Variants in CNTRL observed in about 807,000 individuals in gnomAD.
The protein encoded by CNTRL is 110 kDa centrosomal protein.
A neutral mutation model predicts 303.7 loss-of-function variants in CNTRL; 233 were observed. The observed-to-expected ratio is 0.77, with a 90% CI of 0.69 to 0.86. The LOEUF (loss-of-function observed/expected upper bound fraction) is 0.86. Ranked by LOEUF, CNTRL falls within the 40% of genes least tolerant of loss-of-function variation. The pLI, the probability that CNTRL is intolerant of heterozygous loss-of-function variation, is 0.00. For synonymous variants in CNTRL, 900 were observed against 922.2 expected (o/e 0.98, Z 0.44); for missense variants, 2,524 against 2,650.6 (o/e 0.95, Z 1.05).
chr9:121,139,713 T>C (rs1390108657), intron 16 of CNTRL, among the ~76,000 whole-genome samples: 1 of 152,326 alleles, frequency 6.6e-6, no homozygotes, highest in African/African-American at 2.4e-5. Flanking sequence ...ATGACCCTTA[T>C]TTACCCATTG....
chr9:121,088,970 T>C (rs888736114), intron 3 of CNTRL, among the ~76,000 whole-genome samples: 1 of 152,246 alleles, frequency 6.6e-6, no homozygotes, highest in Non-Finnish European at 1.5e-5. Context: ...ATATGGGACA[T>C]GTATGTATGT....
chr9:121,089,151 G>A (rs541610068), intron 3 of CNTRL, among the ~76,000 whole-genome samples: 7 of 152,258 alleles, frequency 4.6e-5, no homozygotes, highest in Admixed American at 1.3e-4. Context: ...GGTTTTATTA[G>A]CATTAACAAC....
intron 2 of CNTRL, among the ~76,000 whole-genome samples, 176 bp downstream of exon 2, chr9:121,080,654 G>A (rs935405467): frequency 2.6e-5 from 4 of 152,186 alleles, no homozygotes; most frequent in African/African-American, 9.6e-5. Context: ...TACCTGAAGC[G>A]ATGGACCCGA....
intron 25 of CNTRL, among the ~76,000 whole-genome samples, chr9:121,150,986 G>A (rs982826701): frequency 4.3e-4 from 66 of 152,292 alleles, no homozygotes; most frequent in African/African-American, 1.5e-3. Context: ...GTATACACAT[G>A]TATGTGCACG....
At chr9:121,159,101 C>A in intron 31 of CNTRL, 82 bp downstream of exon 31, 2 of 1,335,274 alleles carry the variant, frequency 1.5e-6, no homozygotes, top group Non-Finnish European at 2.1e-6. Flanking sequence ...TGCTTCTCCC[C>A]AAATGAAAAT....
chr9:121,133,366 CT>C (rs1490299621), intron 14 of CNTRL, among the ~76,000 whole-genome samples: 1 of 152,266 alleles, frequency 6.6e-6, no homozygotes, highest in Non-Finnish European at 1.5e-5. Context: ...GCCCCTCCCC[CT>C]GCCAGGCTGC....
intron 14 of CNTRL, among the ~76,000 whole-genome samples, chr9:121,127,117 G>A (rs2050576087): frequency 6.6e-6 from 1 of 152,134 alleles, no homozygotes. Context: ...ACAGCGCCTG[G>A]CCTATGTTTT....
chr9:121,157,994 T>C lies in CNTRL; in HGVS notation c.4649T>C (p.Leu1550Pro). ...KEKLTEELQK[L>P]QKDIEMAERN... Reference sequence around the variant, plus strand: ...CTGGTGCTTTGTAGGCTTCAGAAACTACAGAAAGACATAGAGATGGCAGAA... The same window carrying C: ...CTGGTGCTTTGTAGGCTTCAGAAACCACAGAAAGACATAGAGATGGCAGAA... Residue 1550 changes from leucine to proline, a missense_variant, in exon 30 of 44, where the codon CTA (leucine) becomes CCA (proline). Coordinates refer to ENST00000373855, the MANE Select transcript of CNTRL (RefSeq NM_007018.6). 8 of 1,614,008 alleles carry C rather than the reference T, an allele frequency of 5.0e-6. No homozygotes were observed. The highest frequency in any genetic ancestry group is 6.8e-6 in the Non-Finnish European group (8 of 1,180,002).
chr9:121,136,023 G>A (rs755174976), intron 15 of CNTRL, 41 bp downstream of exon 15: 4 of 1,488,202 alleles, frequency 2.7e-6, no homozygotes, highest in African/African-American at 1.4e-5. Context: ...TAAGGACCCT[G>A]TGCCTTAAGA....
chr9:121,136,120 T>C (rs2051177909), intron 15 of CNTRL, 138 bp downstream of exon 15: 1 of 750,924 alleles, frequency 1.3e-6, no homozygotes, highest in South Asian at 2.2e-5. Flanking sequence ...GGCAGAATTT[T>C]GGAGTCAGAC....
intron 12 of CNTRL, among the ~76,000 whole-genome samples, chr9:121,121,186 T>C (rs947124381): frequency 2.6e-5 from 4 of 152,238 alleles, no homozygotes; most frequent in African/African-American, 9.6e-5. Context: ...TGAGATATTA[T>C]AGAAAGCAAC....
chr9:121,104,953 G>A (rs994433325), intron 7 of CNTRL, among the ~76,000 whole-genome samples: 2 of 152,008 alleles, frequency 1.3e-5, no homozygotes, highest in South Asian at 2.1e-4. Context: ...CAGGTGATCC[G>A]CCTGCCTCGG....
intron 8 of CNTRL, among the ~76,000 whole-genome samples, chr9:121,108,892 C>T (rs2049609567): frequency 6.6e-6 from 1 of 152,144 alleles, no homozygotes; most frequent in South Asian, 2.1e-4. Flanking sequence ...TACCCCATTC[C>T]CCAGATATTA....
At chr9:121,153,715 G>C (rs527759901) in intron 26 of CNTRL, among the ~76,000 whole-genome samples, 1 of 152,314 alleles carries the variant, frequency 6.6e-6, no homozygotes, top group South Asian at 2.1e-4. Context: ...TTTTGCAGTA[G>C]TCCATGAATT....
In CNTRL at chr9:121,171,398, C is replaced by G; in HGVS notation, c.6277-10C>G. ...TAGATCGCAGAGTTATTTTCTTCCTCCTGTGCTAGGAGCAAAAACAGGAGA... is the reference window on the plus strand; with the variant it reads ...TAGATCGCAGAGTTATTTTCTTCCTGCTGTGCTAGGAGCAAAAACAGGAGA... On this transcript the variant is annotated splice_polypyrimidine_tract_variant and intron_variant, in intron 39 of 43. Coordinates refer to ENST00000373855, the MANE Select transcript of CNTRL (RefSeq NM_007018.6). 3.1e-6 allele frequency: 5 copies of G among 1,613,760 alleles called. No individual in the cohort carries two copies. The East Asian group carries it at 1.1e-4, about 36-fold the overall frequency.
At chr9:121,094,371 CAG>C (rs576098564) in intron 4 of CNTRL, among the ~76,000 whole-genome samples, 164 of 152,082 alleles carry the variant, frequency 1.1e-3, no homozygotes, top group African/African-American at 3.9e-3. Flanking sequence ...TCCTGAGACA[CAG>C]AGAGAAAAAG....
chr9:121,147,029 G>A (rs1325229165), intron 23 of CNTRL, among the ~76,000 whole-genome samples: 1 of 152,198 alleles, frequency 6.6e-6, no homozygotes, highest in Admixed American at 6.5e-5. Context: ...TTGAGACGGA[G>A]TCTTGCTGTG....
chr9:121,098,856 A>G (rs542375345), intron 7 of CNTRL, among the ~76,000 whole-genome samples: 107 of 151,932 alleles, frequency 7.0e-4, no homozygotes, highest in Non-Finnish European at 1.3e-3. Flanking sequence ...ACAAAGTAAC[A>G]GGGGAACCCT....
Position 121,175,188 on chromosome 9 carries a change from T to G in CNTRL, c.6918T>G (p.Ser2306=), listed in dbSNP as rs146837361. ...CACCCAGTCTGTCTCAGCTGGAGTC[T>G]TCCCTCACAGAGGACTCTCAACTTG... ...ASSPSLSQLE[S]SLTEDSQLGQ... Residue 2306 remains serine (S), a synonymous_variant, in exon 43 of 44, where the codon TCT becomes TCG. Transcript: ENST00000373855. The G allele has an allele frequency of 1.2e-6, 2 of 1,614,138 alleles. No individual in the cohort carries two copies. Among genetic ancestry groups the G allele is most frequent in the African/African-American group, 2.7e-5 (2 of 75,044 alleles).
Sources: allele counts gnomAD v4.1 joint callset (sites outside exome capture counted in the v4.1 genomes callset), GRCh38; gene constraint gnomAD v4.1.1; transcripts MANE v1.5; gene names NCBI Gene and HGNC (gene_info 2026-07-23, HGNC 2026-07-21).